Variants in RAB5B observed in about 807,000 individuals in gnomAD.
RAB5B encodes the protein RAB5B, member RAS oncogene family.
RAB5B carries 11 observed loss-of-function variants against 28.6 expected under a neutral mutation model. That is an observed-to-expected ratio of 0.38 (90% CI 0.24 to 0.64). The LOEUF (loss-of-function observed/expected upper bound fraction) is 0.64. Among genes scored for constraint, RAB5B ranks in the 30% least tolerant of loss-of-function variants. The pLI, the probability that RAB5B is intolerant of heterozygous loss-of-function variation, is 0.53. For synonymous variants in RAB5B, 93 were observed against 97.9 expected, an observed-to-expected ratio of 0.95 and a Z score of 0.29; for missense variants, 169 against 265.6, an observed-to-expected ratio of 0.64 and a Z score of 2.53.
chr12:55,989,474 G>A (rs942382963), intron 2 of RAB5B, among the ~76,000 whole-genome samples: 5 of 150,838 alleles, frequency 3.3e-5, no homozygotes, highest in African/African-American at 9.8e-5. Flanking sequence ...GGGTTTTGCC[G>A]TGTTGGCCAG....
intron 1 of RAB5B, among the ~76,000 whole-genome samples, chr12:55,983,189 C>T (rs1889856537): frequency 6.6e-6 from 1 of 152,146 alleles, no homozygotes; most frequent in Non-Finnish European, 1.5e-5. Context: ...AGCGATTCTC[C>T]TGCCTCAGCT....
chr12:55,977,725 T>A (rs1212943510), intron 1 of RAB5B, among the ~76,000 whole-genome samples: 1 of 152,134 alleles, frequency 6.6e-6, no homozygotes, highest in Non-Finnish European at 1.5e-5. Flanking sequence ...CATGGTATAC[T>A]CCCACTTCCG....
intron 2 of RAB5B, 125 bp downstream of exon 2, chr12:55,987,248 T>A: frequency 1.1e-6 from 1 of 926,720 alleles, no homozygotes; most frequent in Non-Finnish European, 1.6e-6. Flanking sequence ...GCAACCTCTG[T>A]CTCCCAGGTT....
rs1210069755 is a variant in RAB5B at position 55,994,814 on chromosome 12, C to T, written c.*2602C>T. 1.3e-5 allele frequency: 2 copies of T among 152,114 alleles called. No homozygotes were observed. Among genetic ancestry groups the T allele is most frequent in the Admixed American group, 1.3e-4 (2 of 15,252 alleles). 9.4% of individuals were successfully genotyped at this position (152,114 alleles called of 1,614,324 possible). ...AGAAAGGATACCCAGTAATGTTCTA[C>T]TGAATCAGAAACACACCTTTCCCTG... On this transcript the variant is annotated 3_prime_UTR_variant, in exon 6 of 6. Transcript: ENST00000360299.
intron 1 of RAB5B, among the ~76,000 whole-genome samples, chr12:55,977,265 G>A (rs1386155310): frequency 1.4e-5 from 2 of 143,576 alleles, no homozygotes; most frequent in African/African-American, 5.3e-5. Context: ...GTGAGCCACC[G>A]CGCCTGGCCG....
chr12:55,984,982 T>C (rs1170795554), intron 1 of RAB5B, among the ~76,000 whole-genome samples: 1 of 152,194 alleles, frequency 6.6e-6, no homozygotes, highest in African/African-American at 2.4e-5. Context: ...TAGCTTAATA[T>C]TTATTTAGCA....
chr12:55,986,728 A>T, intron 1 of RAB5B, 141 bp from the exon 2 acceptor site: 2 of 567,344 alleles, frequency 3.5e-6, no homozygotes. Context: ...AACTCTTACC[A>T]CTGAGGATCA....
chr12:55,983,948 C>T (rs1284815854), intron 1 of RAB5B, among the ~76,000 whole-genome samples: 5 of 152,110 alleles, frequency 3.3e-5, no homozygotes, highest in Admixed American at 1.3e-4. Context: ...GCATGGGCCG[C>T]TCTGCCAGGC....
At position 55,991,162 on chromosome 12, in the gene RAB5B, G is replaced by A. The variant is rs545739946; in HGVS notation, c.439-198G>A. ...TATAATTAAGCTTTCTGACATTTGT[G>A]TGTTGGACTGAGTGGACATGGGGTC... On this transcript the variant is annotated intron_variant, in intron 4 of 5. Transcript: ENST00000360299. 5 of 570,972 alleles carry A rather than the reference G, an allele frequency of 8.8e-6. No individual in the cohort carries two copies. The Admixed American group carries it at 9.2e-5, about 10-fold the overall frequency. 35.4% of individuals were successfully genotyped at this position (570,972 alleles called of 1,614,324 possible). A position where few individuals can be genotyped will look rare whatever the true frequency, so the allele number is the denominator to read the frequency against.
intron 4 of RAB5B, chr12:55,991,042 G>A (rs1890100454): frequency 1.8e-6 from 1 of 549,716 alleles, no homozygotes; most frequent in African/African-American, 1.9e-5. Flanking sequence ...GGGGGTACCA[G>A]TGTGAAAACA....
chr12:55,992,514 T>G lies in RAB5B; in HGVS notation c.*302T>G. The G allele has an allele frequency of 1.9e-6, 1 of 539,268 alleles. No individual in the cohort carries two copies. The allele number at this position is 539,268 out of a possible 1,614,324, so 33.4% of individuals were successfully genotyped here. A position where few individuals can be genotyped will look rare whatever the true frequency, so the allele number is the denominator to read the frequency against. On this transcript the variant is annotated 3_prime_UTR_variant, in exon 6 of 6. Coordinates refer to ENST00000360299, the MANE Select transcript of RAB5B (RefSeq NM_002868.4). ...TAGGTACAAGACAGCGACTTACGTA[T>G]CTTTTCTCCTCCTCCCTAGTGTTCC... is the stretch of plus-strand genomic sequence containing the variant.
chr12:55,975,896 C>G (rs531129813), intron 1 of RAB5B, among the ~76,000 whole-genome samples: 1 of 148,856 alleles, frequency 6.7e-6, no homozygotes, highest in African/African-American at 2.5e-5. Flanking sequence ...GGACTACAGG[C>G]GTGCGCCACC....
chr12:55,992,071 T>G (rs1890143941), intron 5 of RAB5B, 26 bp from the exon 6 acceptor site: 4 of 1,591,430 alleles, frequency 2.5e-6, no homozygotes, highest in Non-Finnish European at 3.4e-6. Context: ...CTACCATACT[T>G]TGTTCTCTTC....
chr12:55,978,884 T>C (rs1352918542), intron 1 of RAB5B, among the ~76,000 whole-genome samples: 1 of 151,468 alleles, frequency 6.6e-6, no homozygotes, highest in African/African-American at 2.4e-5. Flanking sequence ...GCAATTCTCA[T>C]GTCTCAGCCT....
At chr12:55,988,958 T>G (rs1368928165) in intron 2 of RAB5B, among the ~76,000 whole-genome samples, 1 of 147,252 alleles carries the variant, frequency 6.8e-6, no homozygotes, top group Non-Finnish European at 1.5e-5. Flanking sequence ...TTTTTTTTTT[T>G]GGATACTGAG....
Position 55,996,318 on chromosome 12 carries a change from T to C in RAB5B, c.*4106T>C, listed in dbSNP as rs890653858. 1.3e-5 allele frequency: 2 copies of C among 152,182 alleles called. No individual in the cohort carries two copies. Among genetic ancestry groups the C allele is most frequent in the African/African-American group, 4.8e-5 (2 of 41,430 alleles). The allele number at this position is 152,182 out of a possible 1,614,324, so 9.4% of individuals were successfully genotyped here. A position where few individuals can be genotyped will look rare whatever the true frequency, so the allele number is the denominator to read the frequency against. On this transcript the variant is annotated 3_prime_UTR_variant, in exon 6 of 6. Transcript: ENST00000360299. ...CGGCCTCTAGAGGGCAGTGTATGGA[T>C]ACATTTGTCCAGATTGGGGGACTAG...
chr12:55,992,341 T>C lies in RAB5B; in HGVS notation c.*129T>C, dbSNP rs1890157509. ...GCCCTGGCTCCCAAGGGCTGCCTCCTGACAGCTCCGTCATGGCACTTTTTA... is the reference window on the plus strand; with the variant it reads ...GCCCTGGCTCCCAAGGGCTGCCTCCCGACAGCTCCGTCATGGCACTTTTTA... On this transcript the variant is annotated 3_prime_UTR_variant, in exon 6 of 6. Coordinates refer to ENST00000360299, the MANE Select transcript of RAB5B (RefSeq NM_002868.4). The C allele has an allele frequency of 1.2e-6, 1 of 812,862 alleles. No individual in the cohort carries two copies. Among genetic ancestry groups the C allele is most frequent in the African/African-American group, 1.7e-5 (1 of 58,338 alleles). 50.4% of individuals were successfully genotyped at this position (812,862 alleles called of 1,614,324 possible).
At chr12:55,991,283 T>A in intron 4 of RAB5B, 77 bp from the exon 5 acceptor site, 1 of 1,129,882 alleles carries the variant, frequency 8.9e-7, no homozygotes, top group Non-Finnish European at 1.3e-6. Flanking sequence ...GCCTAGCTGT[T>A]GTGCTGCATG....
rs1275610639 is a variant in RAB5B, at chr12:55,992,273, C to G, written c.*61C>G. The G allele has an allele frequency of 7.2e-7, 1 of 1,385,092 alleles. No individual in the cohort carries two copies. Among genetic ancestry groups the G allele is most frequent in the African/African-American group, 1.4e-5 (1 of 70,436 alleles). 85.8% of individuals were successfully genotyped at this position (1,385,092 alleles called of 1,614,324 possible). ...ACAAGAGCTAAGAAATAACCTCCAT[C>G]CCTACCCCTCAGCACACAACCCCTA... On this transcript the variant is annotated 3_prime_UTR_variant, in exon 6 of 6. Transcript: ENST00000360299.
Sources: allele counts gnomAD v4.1 joint callset (sites outside exome capture counted in the v4.1 genomes callset), GRCh38; gene constraint gnomAD v4.1.1; transcripts MANE v1.5; gene names NCBI Gene and HGNC (gene_info 2026-07-23, HGNC 2026-07-21).